The following L3MBTL3 variants were observed in gnomAD, a reference collection of about 807,000 sequenced individuals.
L3MBTL3 encodes lethal(3)malignant brain tumor-like protein 3.
L3MBTL3 carries 27 observed loss-of-function variants against 102.3 expected under a neutral mutation model. That is an observed-to-expected ratio of 0.26 (90% CI 0.19 to 0.36). The LOEUF (loss-of-function observed/expected upper bound fraction) is 0.36. L3MBTL3 is among the 10% of genes least tolerant of loss of function. The pLI, the probability that L3MBTL3 is intolerant of heterozygous loss-of-function variation, is 1.00. For synonymous variants in L3MBTL3, 340 were observed against 320.9 expected (o/e 1.06, Z -0.64); for missense variants, 798 against 955.3 (o/e 0.84, Z 2.17).
chr6:130,032,347 G>A (rs1220440138), intron 2 of L3MBTL3, among the ~76,000 whole-genome samples: 1 of 152,176 alleles, frequency 6.6e-6, no homozygotes, highest in Admixed American at 6.5e-5. Flanking sequence ...TGCTCTAGAG[G>A]CTGAGGCGGG....
At chr6:130,098,273 C>T (rs1423437299) in intron 18 of L3MBTL3, among the ~76,000 whole-genome samples, 2 of 152,164 alleles carry the variant, frequency 1.3e-5, no homozygotes, top group African/African-American at 4.8e-5. Context: ...CATATTAATT[C>T]ACCATGCATC....
intron 19 of L3MBTL3, among the ~76,000 whole-genome samples, chr6:130,117,368 A>G (rs969400577): frequency 1.5e-4 from 23 of 151,266 alleles, no homozygotes; most frequent in African/African-American, 5.4e-4. Context: ...AATCCAGTCT[A>G]TCATTGTTGG....
At chr6:130,110,897 A>G (rs1247733555) in intron 19 of L3MBTL3, among the ~76,000 whole-genome samples, 1 of 152,148 alleles carries the variant, frequency 6.6e-6, no homozygotes, top group African/African-American at 2.4e-5. Context: ...GCTATTCTTA[A>G]GTTAAGCTTT....
chr6:130,110,890 A>C (rs143769241), intron 19 of L3MBTL3, among the ~76,000 whole-genome samples: 1 of 152,170 alleles, frequency 6.6e-6, no homozygotes, highest in Non-Finnish European at 1.5e-5. Context: ...TTTCTTTGCT[A>C]TTCTTAAGTT....
intron 22 of L3MBTL3, among the ~76,000 whole-genome samples, chr6:130,134,295 TAAC>T (rs1315124858): frequency 6.6e-6 from 1 of 152,248 alleles, no homozygotes; most frequent in Non-Finnish European, 1.5e-5. Flanking sequence ...AGTGTCATTC[TAAC>T]AACACCATGA....
intron 17 of L3MBTL3, 100 bp from the exon 18 acceptor site, chr6:130,094,165 A>T (rs1329269102): frequency 7.4e-6 from 6 of 805,464 alleles, no homozygotes; most frequent in Non-Finnish European, 1.1e-5. Flanking sequence ...TTGGATTTTT[A>T]GGGAGTCTTT....
In L3MBTL3 at chr6:130,133,296, T is replaced by C; in HGVS notation, c.1967-156T>C. On this transcript the variant is annotated intron_variant, in intron 20 of 22. Transcript: ENST00000361794. This position sits in a 1 kb window ranked among gnomAD's most constrained non-coding sequence, Gnocchi z 4.9. The stretch of plus-strand genomic sequence containing the variant: ...GGTTGTTTTTTATAGTGACCTTCAG[T>C]AAAGACAAAGAAGAGCCTATTCAAT... The C allele has an allele frequency of 4.7e-6, 3 of 643,800 alleles. No individual in the cohort carries two copies. The highest frequency in any genetic ancestry group is 7.8e-6 in the Non-Finnish European group (3 of 382,404). 39.9% of individuals were successfully genotyped at this position (643,800 alleles called of 1,614,324 possible).
intron 19 of L3MBTL3, among the ~76,000 whole-genome samples, chr6:130,108,242 T>TTG (rs1785118434): frequency 7.0e-6 from 1 of 142,226 alleles, no homozygotes; most frequent in Non-Finnish European, 1.6e-5. Context: ...TTTTTTTTTT[T>TTG]TTTTTTTTTT....
intron 20 of L3MBTL3, among the ~76,000 whole-genome samples, chr6:130,130,367 A>T (rs758218802): frequency 6.6e-6 from 1 of 152,198 alleles, no homozygotes; most frequent in Non-Finnish European, 1.5e-5. Flanking sequence ...ATGGCTTTGG[A>T]AAAGACTAAT....
chr6:130,120,980 T>A (rs769328400), intron 20 of L3MBTL3, 22 bp downstream of exon 20: 1 of 1,479,108 alleles, frequency 6.8e-7, no homozygotes, highest in Admixed American at 1.7e-5. Context: ...AATTCTCATA[T>A]TACTAATGTG....
At chr6:130,117,681 C>G (rs1263758789) in intron 19 of L3MBTL3, among the ~76,000 whole-genome samples, 1 of 151,906 alleles carries the variant, frequency 6.6e-6, no homozygotes, top group African/African-American at 2.4e-5. Flanking sequence ...AATGGTTGTC[C>G]AATTGAATAA....
At chr6:130,084,426 G>T (rs568218766) in intron 15 of L3MBTL3, among the ~76,000 whole-genome samples, 1 of 152,112 alleles carries the variant, frequency 6.6e-6, no homozygotes, top group Non-Finnish European at 1.5e-5. Context: ...ATCCTTTTAT[G>T]TATAAATTGC....
intron 22 of L3MBTL3, chr6:130,138,236 G>A (rs944927899): frequency 6.6e-6 from 1 of 152,190 alleles, no homozygotes; most frequent in South Asian, 2.1e-4. Flanking sequence ...TAGTTTGCTA[G>A]GGCCACCATA....
At chr6:130,032,749 G>A (rs1162144689) in intron 2 of L3MBTL3, among the ~76,000 whole-genome samples, 1 of 152,170 alleles carries the variant, frequency 6.6e-6, no homozygotes, top group African/African-American at 2.4e-5. Flanking sequence ...CCTGCACTTC[G>A]GGAGGCCAAG....
chr6:130,020,912 A>G (rs759280921), intron 1 of L3MBTL3, among the ~76,000 whole-genome samples: 1 of 150,434 alleles, frequency 6.6e-6, no homozygotes, highest in Non-Finnish European at 1.5e-5. Context: ...GAGATCATTC[A>G]GAGTGCACAG....
chr6:130,073,438 C>T (rs751340112), intron 13 of L3MBTL3, among the ~76,000 whole-genome samples: 7 of 152,000 alleles, frequency 4.6e-5, no homozygotes, highest in African/African-American at 1.5e-4. Flanking sequence ...TAATAAATAA[C>T]GCTAAAACAA....
chr6:130,111,836 G>GT (rs1785367047), intron 19 of L3MBTL3, among the ~76,000 whole-genome samples: 1 of 152,164 alleles, frequency 6.6e-6, no homozygotes, highest in African/African-American at 2.4e-5. Context: ...ATTTATGTGA[G>GT]TGTCTGTCCC....
intron 2 of L3MBTL3, among the ~76,000 whole-genome samples, chr6:130,030,471 G>C (rs899647623): frequency 6.6e-6 from 1 of 151,734 alleles, no homozygotes; most frequent in African/African-American, 2.4e-5. Flanking sequence ...GACCATCCTG[G>C]CTAACACAGT....
intron 7 of L3MBTL3, 24 bp from the exon 8 acceptor site, chr6:130,055,147 C>G (rs776012232): frequency 1.3e-6 from 2 of 1,590,256 alleles, no homozygotes; most frequent in Admixed American, 3.3e-5. Context: ...ACTTTAAAGT[C>G]ATAATTTTCC....
Sources: allele counts gnomAD v4.1 joint callset (sites outside exome capture counted in the v4.1 genomes callset), GRCh38; gene constraint gnomAD v4.1.1; non-coding constraint Gnocchi (gnomAD v3.1); transcripts MANE v1.5; gene names NCBI Gene and HGNC (gene_info 2026-07-23, HGNC 2026-07-21).